Variants in SATL1 observed in about 807,000 individuals in gnomAD.
SATL1 encodes the protein spermidine/spermine N1-acetyl transferase like 1, also known as spermidine/spermine N(1)-acetyltransferase-like protein 1.
Under a neutral mutation model 51.8 loss-of-function variants are expected in SATL1, and 47 were observed. The ratio of observed to expected loss-of-function variants is 0.91; its 90% CI spans 0.72 to 1.16. SATL1 has a LOEUF of 1.16. SATL1 is among the 50% of genes most tolerant of loss of function. SATL1 has a pLI of 0.00. For synonymous variants in SATL1, 176 were observed against 182.4 expected (o/e 0.97, Z 0.28); for missense variants, 520 against 526.4 (o/e 0.99, Z 0.12).
At chrX:85,173,778 T>TA (rs397896789) in intron 2 of SATL1, among the ~76,000 whole-genome samples, 4 of 110,120 alleles carry the variant, frequency 3.6e-5, no homozygotes, top group Admixed American at 9.8e-5. Context: ...TCTTTTTTTT[T>TA]AATTATTATT....
At chrX:85,148,722 A>G (rs1237786332) in intron 2 of SATL1, among the ~76,000 whole-genome samples, 1 of 111,613 alleles carries the variant, frequency 9.0e-6, no homozygotes, top group Non-Finnish European at 1.9e-5. Context: ...ACTAAGCTTC[A>G]TAAGTGAAGG....
chrX:85,214,288 C>T lies in SATL1; in HGVS notation c.-313+9917G>A, dbSNP rs192676026. On this transcript the variant is annotated intron_variant, in intron 2 of 7. Coordinates refer to ENST00000644105, the MANE Select transcript of SATL1 (RefSeq NM_001367857.2). The stretch of plus-strand genomic sequence containing the variant: ...AAGGAGCTGGCATGTGCAGAGATCA[C>T]GTAGCAAGAGAGGATACAAGGAGAT... Among the ~76,000 whole-genome samples, 315 of 111,258 alleles carry T rather than the reference C, an allele frequency of 2.8e-3. 1 individual carries two copies. The highest frequency in any genetic ancestry group is 9.9e-3 in the African/African-American group (303 of 30,599).
intron 2 of SATL1, among the ~76,000 whole-genome samples, chrX:85,197,475 T>A (rs1015376005): frequency 9.1e-6 from 1 of 109,853 alleles, no homozygotes; most frequent in African/African-American, 3.3e-5. Flanking sequence ...TAGATCTTTA[T>A]TTATTTATTT....
At chrX:85,164,628 C>CT (rs746526256) in intron 2 of SATL1, among the ~76,000 whole-genome samples, 17 of 110,363 alleles carry the variant, frequency 1.5e-4, no homozygotes, top group Non-Finnish European at 2.8e-4. Context: ...ATAGGGTTTT[C>CT]TTTTTGGTTA....
chrX:85,147,891 A>C (rs1414803666), intron 2 of SATL1, among the ~76,000 whole-genome samples: 1 of 111,570 alleles, frequency 9.0e-6, no homozygotes, highest in African/African-American at 3.3e-5. Flanking sequence ...GAGCAGAAAA[A>C]CTGGAAACTC....
chrX:85,172,616 G>T (rs1171242935), intron 2 of SATL1, among the ~76,000 whole-genome samples: 1 of 110,787 alleles, frequency 9.0e-6, no homozygotes, highest in Non-Finnish European at 1.9e-5. Flanking sequence ...TCTTAACTTA[G>T]GGCTCATATA....
At chrX:85,164,084 T>C (rs2147730153) in intron 2 of SATL1, among the ~76,000 whole-genome samples, 1 of 112,082 alleles carries the variant, frequency 8.9e-6, no homozygotes, top group Non-Finnish European at 1.9e-5. Context: ...CTGTTTGCTT[T>C]TGGTGTACAT....
chrX:85,129,004 A>G (rs999715858), intron 2 of SATL1, among the ~76,000 whole-genome samples: 4 of 111,166 alleles, frequency 3.6e-5, no homozygotes, highest in African/African-American at 9.8e-5. Flanking sequence ...CCATTGGTCT[A>G]TCTCTCTATT....
chrX:85,130,360 C>T (rs1333638682), intron 2 of SATL1, among the ~76,000 whole-genome samples: 2 of 111,434 alleles, frequency 1.8e-5, no homozygotes, highest in Non-Finnish European at 3.8e-5. Context: ...CACCTTCTTC[C>T]TGGTTTAGTC....
rs760662105 is a variant in SATL1, at chrX:85,108,431, G to T, written c.538C>A (p.Gln180Lys). ...QPGTWQTGLS[Q>K]PVLRQPNMSP... ...ATGTTTGGTTGCCTCAGGACTGGTT[G>T]GCTCAGTCCTGTTTGCCATGTGCCT... The change falls in exon 3 of 8, where the codon CAA becomes AAA. Residue 180 changes from glutamine to lysine, a missense_variant. Gln to Lys is a moderately conservative substitution (Grantham distance 53). This residue lies in a region of SATL1 where 488 missense variants were observed against 474.3 expected (regional missense o/e 1.03). Coordinates refer to ENST00000644105, the MANE Select transcript of SATL1 (RefSeq NM_001367857.2). The T allele has an allele frequency of 1.7e-6, 2 of 1,211,656 alleles. No homozygotes were observed. Among genetic ancestry groups the T allele is most frequent in the African/African-American group, 1.7e-5 (1 of 57,734 alleles).
At chrX:85,100,192 TCAAAA>T (rs1477331916) in intron 4 of SATL1, among the ~76,000 whole-genome samples, 1 of 100,112 alleles carries the variant, frequency 1.0e-5, no homozygotes, top group East Asian at 3.2e-4. Flanking sequence ...AGACTCTGTC[TCAAAA>T]CAAAACAAAA....
chrX:85,177,316 G>A (rs1602891960), intron 2 of SATL1, among the ~76,000 whole-genome samples: 1 of 112,038 alleles, frequency 8.9e-6, no homozygotes, highest in African/African-American at 3.2e-5. Context: ...ACTAGGAGAA[G>A]CTGAGTCAAA....
At chrX:85,234,471 G>T (rs957384796) in intron 1 of SATL1, among the ~76,000 whole-genome samples, 2 of 111,771 alleles carry the variant, frequency 1.8e-5, no homozygotes, top group African/African-American at 3.2e-5. Flanking sequence ...AAGATAAATT[G>T]ATCAAAAATA....
At chrX:85,104,790 A>G (rs1924994425) in intron 3 of SATL1, among the ~76,000 whole-genome samples, 1 of 111,838 alleles carries the variant, frequency 8.9e-6, no homozygotes, top group Non-Finnish European at 1.9e-5. Context: ...AATACAATGT[A>G]AATATTATGT....
At chrX:85,185,806 T>C (rs1228028882) in intron 2 of SATL1, among the ~76,000 whole-genome samples, 1 of 110,529 alleles carries the variant, frequency 9.0e-6, no homozygotes, top group Non-Finnish European at 1.9e-5. Context: ...AGGAGCCCAC[T>C]TGGTGCTCTA....
intron 2 of SATL1, among the ~76,000 whole-genome samples, chrX:85,148,359 G>T (rs867837239): frequency 3.6e-5 from 4 of 109,596 alleles, no homozygotes; most frequent in Non-Finnish European, 5.7e-5. Context: ...TGAAAGTGAC[G>T]GGGAGAATGG....
intron 1 of SATL1, among the ~76,000 whole-genome samples, chrX:85,224,768 CAAAAAAAA>C (rs58905613): frequency 1.3e-3 from 76 of 59,740 alleles, no homozygotes; most frequent in African/African-American, 3.8e-3. Context: ...GAGTATATAT[CAAAAAAAA>C]AAAAAAAAAA....
intron 2 of SATL1, among the ~76,000 whole-genome samples, chrX:85,179,502 A>G (rs781739015): frequency 8.6e-4 from 96 of 111,717 alleles, no homozygotes; most frequent in African/African-American, 3.0e-3. Context: ...TTATTTAATC[A>G]GAACCTATTG....
intron 2 of SATL1, among the ~76,000 whole-genome samples, chrX:85,137,656 C>T (rs1167595710): frequency 9.0e-6 from 1 of 111,553 alleles, no homozygotes; most frequent in Non-Finnish European, 1.9e-5. Context: ...ATTTATCCTG[C>T]TTAGTATTCT....
Sources: gnomAD v4.1 joint callset for allele counts (sites outside exome capture counted in the v4.1 genomes callset) on GRCh38, gnomAD v4.1.1 for gene constraint, gnomAD v4.1.1 regional missense constraint, MANE v1.5 for transcripts, NCBI Gene and HGNC (gene_info 2026-07-23, HGNC 2026-07-21) for gene names.